The following ZNRF1 variants were observed in gnomAD, a reference collection of about 807,000 sequenced individuals.
ZNRF1 encodes zinc and ring finger 1.
In ZNRF1, 3 loss-of-function variants were observed where a neutral mutation model predicts 18.4. That is an observed-to-expected ratio of 0.16 (90% CI 0.07 to 0.42). The LOEUF is 0.42. Ranked by LOEUF, ZNRF1 falls within the 10% of genes least tolerant of loss-of-function variation. The pLI, the probability that ZNRF1 is intolerant of heterozygous loss-of-function variation, is 0.99. For missense variants in ZNRF1, 310 were observed against 329.8 expected, an observed-to-expected ratio of 0.94 and a Z score of 0.47; for synonymous variants, 157 against 144.2, an observed-to-expected ratio of 1.09 and a Z score of -0.64.
intron 2 of ZNRF1, among the ~76,000 whole-genome samples, chr16:75,102,681 C>T (rs1035584743): frequency 6.6e-6 from 1 of 152,182 alleles, no homozygotes; most frequent in Non-Finnish European, 1.5e-5. Context: ...CTCTTTATCC[C>T]ACATCCATGC....
chr16:75,041,721 A>G (rs979971077), intron 1 of ZNRF1, among the ~76,000 whole-genome samples: 14 of 151,858 alleles, frequency 9.2e-5, no homozygotes, highest in South Asian at 2.1e-4. Flanking sequence ...TGAAATGTCA[A>G]TTCAAATCTT....
intron 1 of ZNRF1, among the ~76,000 whole-genome samples, chr16:75,090,202 T>C (rs559384878): frequency 2.0e-5 from 3 of 152,284 alleles, no homozygotes; most frequent in South Asian, 4.1e-4. Flanking sequence ...GCATCTTCCA[T>C]CTGTGAGACG....
At chr16:75,054,558 T>C (rs2035645539) in intron 1 of ZNRF1, among the ~76,000 whole-genome samples, 1 of 152,244 alleles carries the variant, frequency 6.6e-6, no homozygotes, top group South Asian at 2.1e-4. Flanking sequence ...TGTGGGCTTC[T>C]CAGTCCTCAT....
chr16:75,026,011 G>A (rs549103617), intron 1 of ZNRF1, among the ~76,000 whole-genome samples: 1 of 152,216 alleles, frequency 6.6e-6, no homozygotes, highest in East Asian at 1.9e-4. Context: ...TGCTGGTGAG[G>A]CCTATACATC....
intron 1 of ZNRF1, among the ~76,000 whole-genome samples, chr16:75,026,105 G>A (rs9936032): frequency 0.87 from 132,221 of 152,116 alleles, 58,068 homozygotes; most frequent in Non-Finnish European, 0.93. Context: ...CAGGTCAGCA[G>A]GGGCCTGAAT....
intron 1 of ZNRF1, among the ~76,000 whole-genome samples, chr16:75,060,330 C>T (rs1209460690): frequency 6.6e-6 from 1 of 152,106 alleles, no homozygotes; most frequent in Non-Finnish European, 1.5e-5. Context: ...GGATTACAGG[C>T]ATGAGCCATT....
chr16:75,001,602 A>G (rs2034850408), intron 1 of ZNRF1, among the ~76,000 whole-genome samples: 6 of 152,216 alleles, frequency 3.9e-5, no homozygotes, highest in Admixed American at 3.3e-4. Flanking sequence ...AGAGTTAGCC[A>G]TATTTTTGAG....
chr16:75,080,422 T>C lies in ZNRF1; in HGVS notation c.425-13150T>C, dbSNP rs2035995633. Among the ~76,000 whole-genome samples the C allele has an allele frequency of 1.3e-5, 2 of 152,176 alleles. 1 individual carries two copies. The highest frequency in any genetic ancestry group is 4.1e-4 in the South Asian group (2 of 4,826). On this transcript the variant is annotated intron_variant, in intron 1 of 4. Coordinates refer to ENST00000335325, the MANE Select transcript of ZNRF1 (RefSeq NM_032268.5). ...TTACATGTGAGTGTCTGTTCGCTGG[T>C]GAGTCAGATGCTGTGCTGAACATGA...
intron 4 of ZNRF1, 78 bp downstream of exon 4, chr16:75,106,649 G>A (rs572032716): frequency 3.7e-5 from 45 of 1,207,310 alleles, no homozygotes; most frequent in South Asian, 3.8e-5. Flanking sequence ...TTAGGGAGCC[G>A]GGCTGCCCTT....
intron 1 of ZNRF1, among the ~76,000 whole-genome samples, chr16:75,022,061 T>TTCCG (rs1420316961): frequency 3.9e-5 from 6 of 152,168 alleles, no homozygotes; most frequent in African/African-American, 9.7e-5. Context: ...ACACTAATCC[T>TTCCG]TCCGTCCGTC....
In ZNRF1 at chr16:74,999,452, G is replaced by A. The variant is rs2034805301; in HGVS notation, c.-220G>A. 9.9e-6 allele frequency: 4 copies of A among 404,730 alleles called. No homozygotes were observed. The allele number at this position is 404,730 out of a possible 1,614,324, so 25.1% of individuals were successfully genotyped here. A position where few individuals can be genotyped will look rare whatever the true frequency, so the allele number is the denominator to read the frequency against. ...TGAGGGGAAACATGCGTTTGCCTTG[G>A]ATCGTTTGAAATTCTGAGTTTGGGA... On this transcript the variant is annotated 5_prime_UTR_variant, in exon 1 of 5. It introduces an in-frame stop codon into an upstream open reading frame of the 5' UTR. Transcript: ENST00000335325.
chr16:75,026,199 CTG>C (rs1004893560), intron 1 of ZNRF1, among the ~76,000 whole-genome samples: 4 of 152,082 alleles, frequency 2.6e-5, no homozygotes, highest in African/African-American at 9.7e-5. Flanking sequence ...GAACTCTCAT[CTG>C]TGTTTAAACG....
At chr16:75,096,229 TC>T (rs2036199207) in intron 2 of ZNRF1, among the ~76,000 whole-genome samples, 4 of 152,190 alleles carry the variant, frequency 2.6e-5, no homozygotes. Flanking sequence ...AGTGCTTTGT[TC>T]AGAAACAATG....
At chr16:75,048,927 A>G (rs947171631) in intron 1 of ZNRF1, among the ~76,000 whole-genome samples, 1 of 152,126 alleles carries the variant, frequency 6.6e-6, no homozygotes, top group African/African-American at 2.4e-5. Flanking sequence ...ATTTCAAGAA[A>G]TTGTTTAGTT....
At chr16:75,046,083 T>C (rs2035511723) in intron 1 of ZNRF1, among the ~76,000 whole-genome samples, 1 of 151,104 alleles carries the variant, frequency 6.6e-6, no homozygotes, top group Admixed American at 6.6e-5. Context: ...TTTTTATTTT[T>C]AGTAGAAACG....
At chr16:75,088,250 A>T (rs1394715823) in intron 1 of ZNRF1, among the ~76,000 whole-genome samples, 1 of 152,194 alleles carries the variant, frequency 6.6e-6, no homozygotes, top group Non-Finnish European at 1.5e-5. Flanking sequence ...CTTCTTGATC[A>T]TCGGATGACA....
intron 1 of ZNRF1, among the ~76,000 whole-genome samples, chr16:75,029,078 C>CTT (rs35493485): frequency 0.8 from 115,034 of 144,114 alleles, 48,015 homozygotes; most frequent in Non-Finnish European, 0.92. Context: ...CAATCTTGAC[C>CTT]TTTTTTTTTT....
chr16:75,061,368 T>C (rs1328077146), intron 1 of ZNRF1, among the ~76,000 whole-genome samples: 1 of 152,196 alleles, frequency 6.6e-6, no homozygotes, highest in Non-Finnish European at 1.5e-5. Context: ...TCAATTGTTT[T>C]GGTTTTTAGA....
chr16:75,031,930 A>G (rs1021277215), intron 1 of ZNRF1, among the ~76,000 whole-genome samples: 6 of 152,070 alleles, frequency 3.9e-5, no homozygotes, highest in Non-Finnish European at 7.4e-5. Context: ...CTGTTTTCCA[A>G]AGGAATTGCA....
Sources: gnomAD v4.1 joint callset for allele counts (sites outside exome capture counted in the v4.1 genomes callset) on GRCh38, gnomAD v4.1.1 for gene constraint, MANE v1.5 for transcripts, NCBI Gene and HGNC (gene_info 2026-07-23, HGNC 2026-07-21) for gene names.